The following LGALSL variants were observed in gnomAD, a reference collection of about 807,000 sequenced individuals.
LGALSL encodes galectin-related protein.
A neutral mutation model predicts 19.5 loss-of-function variants in LGALSL; 13 were observed. The observed-to-expected ratio is 0.67, with a 90% confidence interval of 0.43 to 1.06. The LOEUF is 1.06. LGALSL is among the 50% of genes least tolerant of loss of function. The pLI is 0.00. For synonymous variants in LGALSL, 86 were observed against 78.3 expected (o/e 1.10, Z -0.52); for missense variants, 189 against 219.3 (o/e 0.86, Z 0.87).
In LGALSL at chr2:64,461,369, A is replaced by G. The variant is rs115721520; in HGVS notation, c.*2941A>G. ...AAGTAATTTGCACTATAATAAAGGA[A>G]TTTTCTACAAAACAGTTTCCAGTTT... On this transcript the variant is annotated 3_prime_UTR_variant, in exon 5 of 5. Coordinates refer to ENST00000238875, the MANE Select transcript of LGALSL (RefSeq NM_014181.3). 3.3e-5 allele frequency: 5 copies of G among 152,326 alleles called. No individual in the cohort carries two copies. Among genetic ancestry groups the G allele is most frequent in the African/African-American group, 1.2e-4 (5 of 41,584 alleles). 9.4% of individuals were successfully genotyped at this position (152,326 alleles called of 1,614,324 possible). A position where few individuals can be genotyped will look rare whatever the true frequency, so the allele number is the denominator to read the frequency against.
chr2:64,457,603 G>A (rs894756549), intron 4 of LGALSL, among the ~76,000 whole-genome samples: 1 of 152,184 alleles, frequency 6.6e-6, no homozygotes, highest in Admixed American at 6.5e-5. Context: ...CCTTCATCTA[G>A]AAATTTTCAA....
At chr2:64,458,243 A>G (rs747230590) in intron 4 of LGALSL, 42 bp from the exon 5 acceptor site, 1 of 1,587,070 alleles carries the variant, frequency 6.3e-7, no homozygotes, top group Non-Finnish European at 8.6e-7. Flanking sequence ...TTTCCCCAGT[A>G]GCGTTCATTG....
In LGALSL at chr2:64,458,241, G is replaced by A. The variant is rs1283324326; in HGVS notation, c.376-44G>A. ...AATGAAGTATTGTTTGTTTTCCCCA[G>A]TAGCGTTCATTGAAATTGTGGATTA... On this transcript the variant is annotated intron_variant, in intron 4 of 4. Coordinates refer to ENST00000238875, the MANE Select transcript of LGALSL (RefSeq NM_014181.3). 6 of 1,584,184 alleles carry A rather than the reference G, an allele frequency of 3.8e-6. No individual in the cohort carries two copies. The Admixed American group carries it at 8.4e-5, about 22-fold the overall frequency.
In LGALSL at chr2:64,458,468, A is replaced by G. The variant is rs530709948; in HGVS notation, c.*40A>G. ...ATTTCAAATAGGATCACGTGCCACAACTATCTGACTGTTGGTCTGGAAGAA... is the reference window on the plus strand; with the variant it reads ...ATTTCAAATAGGATCACGTGCCACAGCTATCTGACTGTTGGTCTGGAAGAA... On this transcript the variant is annotated 3_prime_UTR_variant, in exon 5 of 5. Coordinates refer to ENST00000238875, the MANE Select transcript of LGALSL (RefSeq NM_014181.3). The G allele has an allele frequency of 1.9e-6, 3 of 1,584,044 alleles. No individual in the cohort carries two copies. The highest frequency in any genetic ancestry group is 2.7e-5 in the African/African-American group (2 of 74,152).
chr2:64,454,664 C>A lies in LGALSL; in HGVS notation c.36+83C>A. On this transcript the variant is annotated intron_variant, in intron 1 of 4. Coordinates refer to ENST00000238875, the MANE Select transcript of LGALSL (RefSeq NM_014181.3). The surrounding 1 kb of genome is among the most constrained non-coding windows in gnomAD (Gnocchi z 5.1). ...CGCCTGCTCCAGCAGTGCTGGGGTGCTGAGCAGCCGCAGGCCCGGCCGGCG... is the reference window on the plus strand; with the variant it reads ...CGCCTGCTCCAGCAGTGCTGGGGTGATGAGCAGCCGCAGGCCCGGCCGGCG... 1 of 1,027,044 alleles carries A rather than the reference C, an allele frequency of 9.7e-7. No homozygotes were observed. The allele number at this position is 1,027,044 out of a possible 1,614,324, so 63.6% of individuals were successfully genotyped here.
chr2:64,456,258 C>G, intron 3 of LGALSL, 30 bp from the exon 4 acceptor site: 7 of 1,594,702 alleles, frequency 4.4e-6, no homozygotes, highest in Non-Finnish European at 6.0e-6. Context: ...TATATCCAAC[C>G]CTTAATCAGT....
Position 64,458,439 on chromosome 2 carries a change from C to G in LGALSL, c.*11C>G. 6.2e-7 allele frequency: 1 copy of G among 1,609,546 alleles called. No homozygotes were observed. Among genetic ancestry groups the G allele is most frequent in the Non-Finnish European group, 8.5e-7 (1 of 1,177,116 alleles). On this transcript the variant is annotated 3_prime_UTR_variant, in exon 5 of 5. Coordinates refer to ENST00000238875, the MANE Select transcript of LGALSL (RefSeq NM_014181.3). ...ACCAAGCTTGGCTGATTTAAACCAC[C>G]TCTATTTCAAATAGGATCACGTGCC...
At chr2:64,457,951 A>T (rs1281672357) in intron 4 of LGALSL, among the ~76,000 whole-genome samples, 1 of 152,248 alleles carries the variant, frequency 6.6e-6, no homozygotes, top group Admixed American at 6.5e-5. Flanking sequence ...ATTTAGTAAT[A>T]TAAAATAAAT....
rs1297627312 is a variant in LGALSL, at chr2:64,454,402, G to GGCGCGCGC, written c.-135_-128dup. ...CCTGCCAGGTCGGCGCCGGGCCCCG[G>GGCGCGCGC]GCGCGCGCGCGCGCGCCCCCTCGTG... is the stretch of plus-strand genomic sequence containing the variant. On this transcript the variant is annotated 5_prime_UTR_variant, in exon 1 of 5. Coordinates refer to ENST00000238875, the MANE Select transcript of LGALSL (RefSeq NM_014181.3). This position sits in a 1 kb window ranked among gnomAD's most constrained non-coding sequence, Gnocchi z 5.1. 1 of 378,002 alleles carries GGCGCGCGC rather than the reference G, an allele frequency of 2.6e-6. No individual in the cohort carries two copies. Among genetic ancestry groups the GGCGCGCGC allele is most frequent in the Non-Finnish European group, 4.6e-6 (1 of 218,610 alleles). 23.4% of individuals were successfully genotyped at this position (378,002 alleles called of 1,614,324 possible).
Position 64,460,840 on chromosome 2 carries a change from G to A in LGALSL, c.*2412G>A, listed in dbSNP as rs975889742. ...ACAGGAAAGTATTCGGGTATGTAAG[G>A]TGTTATTTCTGACCAGAGCCCTAGT... is the stretch of plus-strand genomic sequence containing the variant. On this transcript the variant is annotated 3_prime_UTR_variant, in exon 5 of 5. Transcript: ENST00000238875. 1.3e-5 allele frequency: 2 copies of A among 152,154 alleles called. No homozygotes were observed. Among genetic ancestry groups the A allele is most frequent in the Non-Finnish European group, 1.5e-5 (1 of 68,028 alleles). The allele number at this position is 152,154 out of a possible 1,614,324, so 9.4% of individuals were successfully genotyped here. A position where few individuals can be genotyped will look rare whatever the true frequency, so the allele number is the denominator to read the frequency against.
rs1572899360 is a variant in LGALSL at position 64,456,474 on chromosome 2, C to G, written c.375+9C>G. On this transcript the variant is annotated intron_variant, in intron 4 of 4. Coordinates refer to ENST00000238875, the MANE Select transcript of LGALSL (RefSeq NM_014181.3). ...CAGACCAGCCATTCAGGGTGAGTAC[C>G]TCGAGTGCCTCGGCTCCAGCCACTG... The G allele has an allele frequency of 1.3e-6, 2 of 1,541,660 alleles. No individual in the cohort carries two copies. Among genetic ancestry groups the G allele is most frequent in the Non-Finnish European group, 8.7e-7 (1 of 1,142,982 alleles).
At chr2:64,455,832 A>G (rs907614577) in intron 3 of LGALSL, among the ~76,000 whole-genome samples, 155 bp downstream of exon 3, 4 of 152,152 alleles carry the variant, frequency 2.6e-5, no homozygotes. Context: ...ACGAATATGT[A>G]TGAATCCCAG....
intron 3 of LGALSL, 67 bp downstream of exon 3, chr2:64,455,744 G>A: frequency 8.8e-7 from 1 of 1,141,390 alleles, no homozygotes; most frequent in Non-Finnish European, 1.3e-6. Flanking sequence ...CTTCTGTTGT[G>A]GTTTAGCACT....
rs1420626085 is a variant in LGALSL, at chr2:64,454,242, TGGTC to T, written c.-301_-298del. The T allele has an allele frequency of 5.1e-6, 2 of 394,754 alleles. No homozygotes were observed. Among genetic ancestry groups the T allele is most frequent in the Non-Finnish European group, 8.9e-6 (2 of 224,070 alleles). 24.5% of individuals were successfully genotyped at this position (394,754 alleles called of 1,614,324 possible). ...GCGGCACGGCCCTCGCCACTTTTCTTGGTCGGGCAGCGGCAGCGGCAGCGGCAGC... is the reference window on the plus strand; with the variant it reads ...GCGGCACGGCCCTCGCCACTTTTCTTGGGCAGCGGCAGCGGCAGCGGCAGC... On this transcript the variant is annotated 5_prime_UTR_variant, in exon 1 of 5. Transcript: ENST00000238875. The surrounding 1 kb of genome is among the most constrained non-coding windows in gnomAD (Gnocchi z 5.1).
intron 4 of LGALSL, 85 bp downstream of exon 4, chr2:64,456,550 C>T: frequency 8.9e-7 from 1 of 1,124,170 alleles, no homozygotes; most frequent in East Asian, 2.8e-5. Context: ...ACACTTGAAG[C>T]AGCCAGAATT....
Position 64,454,373 on chromosome 2 carries a change from T to A in LGALSL, c.-173T>A. 2.6e-6 allele frequency: 1 copy of A among 387,102 alleles called. No individual in the cohort carries two copies. Among genetic ancestry groups the A allele is most frequent in the Non-Finnish European group, 4.5e-6 (1 of 221,030 alleles). 24.0% of individuals were successfully genotyped at this position (387,102 alleles called of 1,614,324 possible). ...TCCCTCCCCTCCCCTCCTCCCAGGC[T>A]CTGCCTGCCAGGTCGGCGCCGGGCC... On this transcript the variant is annotated 5_prime_UTR_variant, in exon 1 of 5. Coordinates refer to ENST00000238875, the MANE Select transcript of LGALSL (RefSeq NM_014181.3). This position sits in a 1 kb window ranked among gnomAD's most constrained non-coding sequence, Gnocchi z 5.1.
In LGALSL at chr2:64,455,419, A is replaced by T. The variant is rs1226705113; in HGVS notation, c.108+4A>T. On this transcript the variant is annotated splice_donor_region_variant and intron_variant, in intron 2 of 4. Coordinates refer to ENST00000238875, the MANE Select transcript of LGALSL (RefSeq NM_014181.3). ...GGACGTGTACTTCCCACGACTGGTA[A>T]ATGATTTTGCTCTGTGTCTCTGCCT... 4 of 1,610,958 alleles carry T rather than the reference A, an allele frequency of 2.5e-6. No individual in the cohort carries two copies. Among genetic ancestry groups the T allele is most frequent in the Non-Finnish European group, 2.5e-6 (3 of 1,177,218 alleles).
In LGALSL at chr2:64,459,606, A is replaced by T. The variant is rs1018721342; in HGVS notation, c.*1178A>T. On this transcript the variant is annotated 3_prime_UTR_variant, in exon 5 of 5. Transcript: ENST00000238875. ...GCTTCCTACTGTGTTGGCTCTGAGG[A>T]GATAGTAGGATTAGATAGGATCCAG... 1.8e-4 allele frequency: 27 copies of T among 152,102 alleles called. No individual in the cohort carries two copies. The highest frequency in any genetic ancestry group is 3.9e-4 in the Admixed American group (6 of 15,268). The allele number at this position is 152,102 out of a possible 1,614,324, so 9.4% of individuals were successfully genotyped here. A position where few individuals can be genotyped will look rare whatever the true frequency, so the allele number is the denominator to read the frequency against.
Position 64,454,609 on chromosome 2 carries a change from G to A in LGALSL, c.36+28G>A. 2 of 1,371,756 alleles carry A rather than the reference G, an allele frequency of 1.5e-6. No individual in the cohort carries two copies. Among genetic ancestry groups the A allele is most frequent in the Non-Finnish European group, 9.5e-7 (1 of 1,055,452 alleles). The allele number at this position is 1,371,756 out of a possible 1,614,324, so 85.0% of individuals were successfully genotyped here. On this transcript the variant is annotated intron_variant, in intron 1 of 4. Coordinates refer to ENST00000238875, the MANE Select transcript of LGALSL (RefSeq NM_014181.3). The surrounding 1 kb of genome is among the most constrained non-coding windows in gnomAD (Gnocchi z 5.1). The stretch of plus-strand genomic sequence containing the variant: ...GAGTGTGGCAGGGCGCGCGCGAGGC[G>A]CCCCTCCCCGCCGTCCCGCACTCCG...
Sources: gnomAD v4.1 joint callset for allele counts (sites outside exome capture counted in the v4.1 genomes callset) on GRCh38, gnomAD v4.1.1 for gene constraint, Gnocchi (gnomAD v3.1) non-coding constraint, MANE v1.5 for transcripts, NCBI Gene and HGNC (gene_info 2026-07-23, HGNC 2026-07-21) for gene names.